The following FSTL5 variants were observed in gnomAD, a reference collection of about 807,000 sequenced individuals.
FSTL5 encodes the protein follistatin like 5.
A neutral mutation model predicts 89.1 loss-of-function variants in FSTL5; 62 were observed. That is an observed-to-expected ratio of 0.70 (90% CI 0.57 to 0.86). The LOEUF is 0.86. Ranked by LOEUF, FSTL5 falls within the 40% of genes least tolerant of loss-of-function variation. The probability of loss-of-function intolerance (pLI) is 0.00; values close to 1 mark genes in which losing one functional copy is unlikely to be tolerated. For synonymous variants in FSTL5, 383 were observed against 346.2 expected, an observed-to-expected ratio of 1.11 and a Z score of -1.18; for missense variants, 1,057 against 1,001.6, an observed-to-expected ratio of 1.06 and a Z score of -0.75.
chr4:161,636,739 T>C (rs1735731854), intron 7 of FSTL5, among the ~76,000 whole-genome samples: 1 of 148,278 alleles, frequency 6.7e-6, no homozygotes, highest in Non-Finnish European at 1.5e-5. Context: ...TGCAATAGTT[T>C]ACTGAGAATG....
intron 4 of FSTL5, among the ~76,000 whole-genome samples, chr4:161,824,554 C>A (rs1232270416): frequency 5.3e-5 from 8 of 151,998 alleles, no homozygotes; most frequent in African/African-American, 1.7e-4. Flanking sequence ...AATATTGATT[C>A]TAGCCATACA....
chr4:162,023,211 T>C (rs2111163794), intron 3 of FSTL5, among the ~76,000 whole-genome samples: 1 of 152,260 alleles, frequency 6.6e-6, no homozygotes. Flanking sequence ...TCCTAGGACC[T>C]GCAATCTAAG....
At chr4:161,415,587 T>C (rs1731745231) in intron 15 of FSTL5, among the ~76,000 whole-genome samples, 2 of 151,848 alleles carry the variant, frequency 1.3e-5, no homozygotes, top group East Asian at 1.9e-4. Flanking sequence ...CTTAGCTGCT[T>C]TGGCTTTAAA....
At chr4:161,725,947 A>C (rs977084875) in intron 6 of FSTL5, among the ~76,000 whole-genome samples, 2 of 152,160 alleles carry the variant, frequency 1.3e-5, no homozygotes, top group African/African-American at 4.8e-5. Context: ...AATGCCAAAA[A>C]CCACAGTTAC....
Position 161,492,251 on chromosome 4 carries a change from C to A in FSTL5, c.1458+7765G>T, listed in dbSNP as rs902325736. On this transcript the variant is annotated intron_variant, in intron 12 of 15. Coordinates refer to ENST00000306100, the MANE Select transcript of FSTL5 (RefSeq NM_020116.5). ...TTTCTCTCCCCTGCCTATCACAATG[C>A]TTGACACAAAGCAAATTCCAAATAT... Among the ~76,000 whole-genome samples, 4 of 152,194 alleles carry A rather than the reference C, an allele frequency of 2.6e-5. No homozygotes were observed. The South Asian group carries it at 8.3e-4, about 32-fold the overall frequency.
intron 6 of FSTL5, among the ~76,000 whole-genome samples, chr4:161,700,619 C>T (rs770112527): frequency 7.9e-5 from 12 of 151,960 alleles, no homozygotes; most frequent in Non-Finnish European, 1.8e-4. Flanking sequence ...TCAAGCAATC[C>T]ACCCGCCTGG....
chr4:161,599,783 T>C (rs551632970), intron 7 of FSTL5, among the ~76,000 whole-genome samples: 1 of 152,260 alleles, frequency 6.6e-6, no homozygotes, highest in South Asian at 2.1e-4. Flanking sequence ...ATTTCTTTTC[T>C]CTTTGGAAAT....
intron 7 of FSTL5, among the ~76,000 whole-genome samples, chr4:161,620,939 T>A (rs1735099284): frequency 6.6e-6 from 1 of 151,934 alleles, no homozygotes; most frequent in Admixed American, 6.6e-5. Flanking sequence ...ATAATCATAA[T>A]CAATAATTGG....
At chr4:161,837,946 A>G (rs1731096744) in intron 4 of FSTL5, among the ~76,000 whole-genome samples, 2 of 152,214 alleles carry the variant, frequency 1.3e-5, no homozygotes, top group Admixed American at 1.3e-4. Flanking sequence ...CATTAAGGAA[A>G]TCACGTAATG....
At chr4:161,513,333 GGAGA>G (rs1730717077) in intron 10 of FSTL5, among the ~76,000 whole-genome samples, 4 of 146,914 alleles carry the variant, frequency 2.7e-5, no homozygotes, top group African/African-American at 1.0e-4. Flanking sequence ...AGGAGGAGGA[GGAGA>G]AAGAGGGCCT....
intron 8 of FSTL5, among the ~76,000 whole-genome samples, chr4:161,562,787 T>G (rs905371975): frequency 6.6e-6 from 1 of 152,012 alleles, no homozygotes; most frequent in Non-Finnish European, 1.5e-5. Flanking sequence ...TCACTATCAC[T>G]CATCTCCATA....
chr4:161,948,485 CTTTTTTTT>C (rs35577056), intron 3 of FSTL5, among the ~76,000 whole-genome samples: 6 of 114,114 alleles, frequency 5.3e-5, no homozygotes, highest in African/African-American at 9.8e-5. Context: ...TCTTTTCTTT[CTTTTTTTT>C]TTTTTTTTTT....
chr4:162,131,740 G>T (rs28508000), intron 1 of FSTL5, among the ~76,000 whole-genome samples: 1,612 of 152,318 alleles, frequency 0.011, 32 homozygotes, highest in African/African-American at 0.036. Context: ...GCCCACTGGT[G>T]TCTGCAATGA....
intron 7 of FSTL5, among the ~76,000 whole-genome samples, chr4:161,615,031 A>T (rs1344273846): frequency 6.6e-6 from 1 of 152,056 alleles, no homozygotes. Context: ...GCGGTGGCTC[A>T]TGCCTGTAAT....
intron 6 of FSTL5, among the ~76,000 whole-genome samples, chr4:161,711,655 C>T (rs1364837481): frequency 6.6e-5 from 10 of 151,966 alleles, no homozygotes; most frequent in African/African-American, 2.4e-4. Context: ...GATACCAAAA[C>T]TATTCAAAGA....
At chr4:161,524,860 A>G (rs1731160924) in intron 10 of FSTL5, among the ~76,000 whole-genome samples, 1 of 151,908 alleles carries the variant, frequency 6.6e-6, no homozygotes, top group Admixed American at 6.6e-5. Flanking sequence ...CAGCAGGCTG[A>G]GGCAGGAGAA....
rs528723392 is a variant in FSTL5 at position 161,982,983 on chromosome 4, CA to C, written c.160+50641del. ...TATTATCATATTCAAATCCAACCCA[CA>C]TGCTGTACTTTGTTATTTAAATCTT... is the stretch of plus-strand genomic sequence containing the variant. On this transcript the variant is annotated intron_variant, in intron 3 of 15. Transcript: ENST00000306100. 2.2e-3 allele frequency among the ~76,000 whole-genome samples: 328 copies of C among 152,292 alleles called. 1 individual carries two copies. The highest frequency in any genetic ancestry group is 7.5e-3 in the African/African-American group (312 of 41,568).
chr4:161,907,048 T>C (rs1408563795), intron 4 of FSTL5, among the ~76,000 whole-genome samples: 1 of 152,088 alleles, frequency 6.6e-6, no homozygotes, highest in African/African-American at 2.4e-5. Flanking sequence ...GTGTAAATGT[T>C]TCCACTTGTT....
At chr4:161,678,036 T>G (rs1737369638) in intron 6 of FSTL5, among the ~76,000 whole-genome samples, 1 of 151,752 alleles carries the variant, frequency 6.6e-6, no homozygotes. Flanking sequence ...AATGGAATGA[T>G]GAAAAAATAA....
Sources: allele counts gnomAD v4.1 joint callset (sites outside exome capture counted in the v4.1 genomes callset), GRCh38; gene constraint gnomAD v4.1.1; transcripts MANE v1.5; gene names NCBI Gene and HGNC (gene_info 2026-07-23, HGNC 2026-07-21).